CHD9: variants seen among roughly 807,000 people sequenced by gnomAD.
The protein encoded by CHD9 is chromodomain helicase DNA binding protein 9, also known as ATP-dependent chromatin remodeler CHD9.
A neutral mutation model predicts 316.1 loss-of-function variants in CHD9; 77 were observed. That is an observed-to-expected ratio of 0.24 (90% CI 0.20 to 0.29). The LOEUF is 0.29. Among genes scored for constraint, CHD9 ranks in the 10% least tolerant of loss-of-function variants. The pLI is 1.00. For synonymous variants in CHD9, 1,129 were observed against 1,158.3 expected (o/e 0.97, Z 0.51); for missense variants, 2,763 against 3,438.1 (o/e 0.80, Z 4.91).
intron 2 of CHD9, among the ~76,000 whole-genome samples, chr16:53,200,936 A>G (rs1475697907): frequency 6.6e-6 from 1 of 152,212 alleles, no homozygotes; most frequent in African/African-American, 2.4e-5. Flanking sequence ...CAGTATTTGT[A>G]TGCCTGACAC....
intron 2 of CHD9, among the ~76,000 whole-genome samples, chr16:53,171,065 T>TA (rs2042678045): frequency 6.6e-6 from 1 of 152,146 alleles, no homozygotes; most frequent in Admixed American, 6.5e-5. Context: ...AAATATCAGT[T>TA]ATGCTTTTGT....
chr16:53,105,237 C>G (rs1225427476), intron 1 of CHD9, among the ~76,000 whole-genome samples: 1 of 152,032 alleles, frequency 6.6e-6, no homozygotes, highest in African/African-American at 2.4e-5. Context: ...CCCCCAAACC[C>G]TGTCCCCCCA....
chr16:53,318,229 G>T lies in CHD9; in HGVS notation c.7602G>T (p.Glu2534Asp). The T allele has an allele frequency of 6.2e-7, 1 of 1,612,478 alleles. No homozygotes were observed. The highest frequency in any genetic ancestry group is 1.1e-5 in the South Asian group (1 of 90,816). Residue 2534 changes from glutamate to aspartate, a missense_variant, in exon 37 of 39, where the codon GAG becomes GAT. Physicochemically the swap from Glu to Asp is conservative, Grantham distance 45. Around this residue, in one of 15 missense-constraint regions of CHD9, gnomAD observed 663 missense variants for 751.2 expected, o/e 0.88. Transcript: ENST00000447540. ...GAFIPRMQLH[E>D]GRPKQKRHRC... is the part of the protein sequence containing the mutation. Reference sequence around the variant, plus strand: ...TATTTTAGAGAATGCAGCTTCATGAGGGAAGACCCAAACAAAAAAGACACC... The same window carrying T: ...TATTTTAGAGAATGCAGCTTCATGATGGAAGACCCAAACAAAAAAGACACC...
intron 1 of CHD9, among the ~76,000 whole-genome samples, chr16:53,097,495 G>T (rs1352038043): frequency 6.6e-6 from 1 of 151,868 alleles, no homozygotes; most frequent in Non-Finnish European, 1.5e-5. Context: ...AAACTCCTAG[G>T]CTCAAGCAAT....
At chr16:53,314,155 G>GA (rs923489595) in intron 34 of CHD9, among the ~76,000 whole-genome samples, 1 of 151,440 alleles carries the variant, frequency 6.6e-6, no homozygotes, top group East Asian at 1.9e-4. Context: ...TGAATATCGG[G>GA]AAAAAAAATA....
intron 1 of CHD9, among the ~76,000 whole-genome samples, chr16:53,072,772 G>A (rs1258860838): frequency 1.3e-5 from 2 of 151,740 alleles, no homozygotes; most frequent in Admixed American, 6.6e-5. Flanking sequence ...TTGGCTCACT[G>A]CAAACTCCAC....
intron 33 of CHD9, 79 bp from the exon 34 acceptor site, chr16:53,308,607 A>G (rs1290815722): frequency 8.2e-6 from 8 of 973,806 alleles, no homozygotes; most frequent in Non-Finnish European, 1.3e-5. Flanking sequence ...TTTTTTCCTC[A>G]GTAAAAAAAT....
chr16:53,222,623 ATTC>A lies in CHD9; in HGVS notation c.1785-18_1785-16del. 1 of 1,094,646 alleles carries A rather than the reference ATTC, an allele frequency of 9.1e-7. No homozygotes were observed. The highest frequency in any genetic ancestry group is 1.3e-6 in the Non-Finnish European group (1 of 742,876). 67.8% of individuals were successfully genotyped at this position (1,094,646 alleles called of 1,614,324 possible). Reference sequence around the variant, plus strand: ...AAAATTCAAAGAATTCATACTTTTTATTCTTTTCCTCTTGAAACAGCAAACTCA... The same window carrying A: ...AAAATTCAAAGAATTCATACTTTTTATTTTCCTCTTGAAACAGCAAACTCA... On this transcript the variant is annotated intron_variant, in intron 3 of 38. Transcript: ENST00000447540.
chr16:53,190,546 T>A (rs2044397086), intron 2 of CHD9, among the ~76,000 whole-genome samples: 1 of 152,130 alleles, frequency 6.6e-6, no homozygotes, highest in Admixed American at 6.5e-5. Flanking sequence ...TTATTTCACT[T>A]GTTATGCCTT....
chr16:53,318,346 T>C lies in CHD9; in HGVS notation c.7713+6T>C. On this transcript the variant is annotated splice_donor_region_variant and intron_variant, in intron 37 of 38. Coordinates refer to ENST00000447540, the MANE Select transcript of CHD9 (RefSeq NM_001308319.2). The stretch of plus-strand genomic sequence containing the variant: ...ACAGAAGAAATGCTAGAAAGGTATT[T>C]TAATGTTTTTTTCTTAATCTTTTGT... 11 of 1,587,396 alleles carry C rather than the reference T, an allele frequency of 6.9e-6. No homozygotes were observed. The highest frequency in any genetic ancestry group is 9.4e-6 in the Non-Finnish European group (11 of 1,168,670).
intron 23 of CHD9, 45 bp from the exon 24 acceptor site, chr16:53,274,168 C>T (rs550118580): frequency 7.5e-6 from 9 of 1,203,966 alleles, no homozygotes; most frequent in South Asian, 3.9e-5. Flanking sequence ...ATATTTTAAA[C>T]GATGAATGTC....
rs951845767 is a variant in CHD9, at chr16:53,324,778, A to G, written c.8577A>G (p.Glu2859=). The G allele has an allele frequency of 1.9e-6, 3 of 1,613,296 alleles. No individual in the cohort carries two copies. The highest frequency in any genetic ancestry group is 1.7e-5 in the Admixed American group (1 of 59,878). ...ATCAGGAAGACAAAGGAGGAACTGA[A>G]CCAAGTCCTCTCAATGAAAACAGCA... ...IKDQEDKGGT[E]PSPLNENSTD... is the part of the protein sequence containing the mutation. The change falls in exon 39 of 39, where the codon GAA becomes GAG. Residue 2859 remains glutamate, a synonymous_variant. Transcript: ENST00000447540.
At chr16:53,185,315 G>C (rs141056663) in intron 2 of CHD9, among the ~76,000 whole-genome samples, 1 of 152,202 alleles carries the variant, frequency 6.6e-6, no homozygotes, top group Non-Finnish European at 1.5e-5. Flanking sequence ...TGGGCAGATT[G>C]TTGGGAACTG....
intron 19 of CHD9, among the ~76,000 whole-genome samples, chr16:53,258,375 A>G (rs1448467894): frequency 6.6e-6 from 1 of 152,154 alleles, no homozygotes; most frequent in Non-Finnish European, 1.5e-5. Context: ...AGTAACTATC[A>G]CATTTGAAAA....
At position 53,157,372 on chromosome 16, in the gene CHD9, C is replaced by G. The variant is rs758777173; in HGVS notation, c.1283C>G (p.Ser428Ter). Residue 428 changes from serine (S) to a stop codon, truncating the protein, a stop_gained, in exon 2 of 39, where the codon TCA becomes TGA. Transcript: ENST00000447540. LOFTEE classifies it high-confidence loss of function. ...GAGTCAACATTCGGACAAGATAATT[C>G]AAGTCACATTTTAGATCATGACCTT... is the stretch of plus-strand genomic sequence containing the variant. ...FDESTFGQDNSSHILDHDLDR... is the reference protein window; with the variant it reads ...FDESTFGQDN The G allele has an allele frequency of 6.2e-7, 1 of 1,613,964 alleles. No homozygotes were observed. Among genetic ancestry groups the G allele is most frequent in the Non-Finnish European group, 8.5e-7 (1 of 1,179,860 alleles).
intron 34 of CHD9, among the ~76,000 whole-genome samples, chr16:53,314,002 T>A (rs1044227474): frequency 4.0e-5 from 6 of 151,872 alleles, no homozygotes; most frequent in African/African-American, 1.5e-4. Context: ...AAAAGATATT[T>A]GGCACAAAAA....
At chr16:53,249,819 C>A in intron 16 of CHD9, 52 bp from the exon 17 acceptor site, 1 of 1,365,862 alleles carries the variant, frequency 7.3e-7, no homozygotes, top group Non-Finnish European at 1.0e-6. Context: ...TAGAATATGT[C>A]TTCAGTTTTA....
At chr16:53,293,945 CAAAAG>C (rs2054570264) in intron 29 of CHD9, among the ~76,000 whole-genome samples, 1 of 145,148 alleles carries the variant, frequency 6.9e-6, no homozygotes, top group South Asian at 2.2e-4. Flanking sequence ...GAGACCGTCT[CAAAAG>C]AAAAAAAAAA....
At chr16:53,270,271 G>T (rs138058430) in intron 22 of CHD9, among the ~76,000 whole-genome samples, 108 of 150,582 alleles carry the variant, frequency 7.2e-4, no homozygotes, top group African/African-American at 2.3e-3. Context: ...CCAAAGTGCT[G>T]TGGGGGCTTT....
Sources: gnomAD v4.1 joint callset for allele counts (sites outside exome capture counted in the v4.1 genomes callset) on GRCh38, gnomAD v4.1.1 for gene constraint, gnomAD v4.1.1 regional missense constraint, MANE v1.5 for transcripts, NCBI Gene and HGNC (gene_info 2026-07-23, HGNC 2026-07-21) for gene names.